CFAP52: variants seen among roughly 807,000 people sequenced by gnomAD.
CFAP52 encodes the protein cilia and flagella associated protein 52.
Under a neutral mutation model 70.5 loss-of-function variants are expected in CFAP52, and 57 were observed. That is an observed-to-expected ratio of 0.81 (90% CI 0.65 to 1.01). The LOEUF is 1.01. CFAP52 is among the 50% of genes least tolerant of loss of function. The probability of loss-of-function intolerance (pLI) is 0.00; values close to 1 mark genes in which losing one functional copy is unlikely to be tolerated. For missense variants in CFAP52, 785 were observed against 788.5 expected (o/e 1.00, Z 0.05); for synonymous variants, 267 against 292.5 (o/e 0.91, Z 0.89).
intron 4 of CFAP52, among the ~76,000 whole-genome samples, chr17:9,596,634 T>C (rs1054352030): frequency 3.9e-5 from 6 of 151,986 alleles, no homozygotes; most frequent in African/African-American, 1.4e-4. Flanking sequence ...CCACAGGTCT[T>C]CCCTTTAAAA....
chr17:9,587,040 G>A (rs1908527800), intron 3 of CFAP52, among the ~76,000 whole-genome samples: 1 of 151,946 alleles, frequency 6.6e-6, no homozygotes, highest in Non-Finnish European at 1.5e-5. Context: ...CCCTCAACAG[G>A]CCCCAGTGTC....
At chr17:9,588,586 AGCATG>A (rs1334059220) in intron 3 of CFAP52, among the ~76,000 whole-genome samples, 1 of 152,096 alleles carries the variant, frequency 6.6e-6, no homozygotes, top group African/African-American at 2.4e-5. Flanking sequence ...CTCGGACTTC[AGCATG>A]GGCTGGACCT....
intron 1 of CFAP52, among the ~76,000 whole-genome samples, chr17:9,580,758 G>GAAA (rs35545462): frequency 1.4e-5 from 2 of 148,066 alleles, no homozygotes; most frequent in Non-Finnish European, 3.0e-5. Flanking sequence ...GGCAAAAAAA[G>GAAA]AAAAAAAAAG....
At chr17:9,607,651 T>G (rs1188630403) in intron 6 of CFAP52, among the ~76,000 whole-genome samples, 1 of 152,256 alleles carries the variant, frequency 6.6e-6, no homozygotes, top group Non-Finnish European at 1.5e-5. Flanking sequence ...TAAGTTCTGG[T>G]GAAAACAGTG....
In CFAP52 at chr17:9,638,621, G is replaced by A; in HGVS notation, c.1485G>A (p.Arg495=). The A allele has an allele frequency of 1.2e-6, 2 of 1,614,142 alleles. No homozygotes were observed. Among genetic ancestry groups the A allele is most frequent in the Non-Finnish European group, 1.7e-6 (2 of 1,180,014 alleles). ...CIIWDLVRLR[R]NQMILANTLF... ...ATCTACTTTCCAGGCGTCTCAGGAG[G>A]AATCAGATGATACTAGCCAACACCT... The change falls in exon 12 of 14, where the codon AGG becomes AGA. Residue 495 remains arginine, a synonymous_variant. Transcript: ENST00000352665.
intron 1 of CFAP52, among the ~76,000 whole-genome samples, chr17:9,583,220 A>G (rs1406026552): frequency 6.6e-6 from 1 of 152,192 alleles, no homozygotes; most frequent in African/African-American, 2.4e-5. Flanking sequence ...CACCCTAAAG[A>G]CATAAACCTT....
At position 9,595,517 on chromosome 17, in the gene CFAP52, C is replaced by T. The variant is rs886306307; in HGVS notation, c.536+1196C>T. Reference sequence around the variant, plus strand: ...CACTCTTCAACTTTTTTCAGATTTGCAGAGTGATTTGACTAAGCCAGGGTT... The same window carrying T: ...CACTCTTCAACTTTTTTCAGATTTGTAGAGTGATTTGACTAAGCCAGGGTT... On this transcript the variant is annotated intron_variant, in intron 4 of 13. Transcript: ENST00000352665. 3.0e-4 allele frequency among the ~76,000 whole-genome samples: 46 copies of T among 152,066 alleles called. 1 individual carries two copies. Among genetic ancestry groups the T allele is most frequent in the African/African-American group, 9.7e-4 (40 of 41,392 alleles).
intron 8 of CFAP52, among the ~76,000 whole-genome samples, chr17:9,613,386 C>T (rs769736611): frequency 6.6e-6 from 1 of 151,862 alleles, no homozygotes; most frequent in Non-Finnish European, 1.5e-5. Flanking sequence ...TGAAGTTGGT[C>T]AGTTTTTGCT....
chr17:9,616,501 C>T (rs1399643483), intron 8 of CFAP52, among the ~76,000 whole-genome samples: 2 of 141,348 alleles, frequency 1.4e-5, no homozygotes, highest in African/African-American at 5.5e-5. Context: ...CCCACCACAA[C>T]TCAAGGAGGC....
In CFAP52 at chr17:9,643,078, C is replaced by A; in HGVS notation, c.1743C>A (p.His581Gln). The change falls in exon 14 of 14, where the codon CAC becomes CAA. Residue 581 changes from histidine (H) to glutamine (Q), a missense_variant. By Grantham distance (24) the His-to-Gln change is conservative (BLOSUM62 0). Transcript: ENST00000352665. ...VWDYNEGEVT[H>Q]VGVGHSGNIT... ...ATTATAATGAGGGTGAAGTGACTCA[C>A]GTTGGGGTGGGACACAGTGGCAACA... is the stretch of plus-strand genomic sequence containing the variant. 6.2e-7 allele frequency: 1 copy of A among 1,612,136 alleles called. No homozygotes were observed. The highest frequency in any genetic ancestry group is 8.5e-7 in the Non-Finnish European group (1 of 1,179,244).
rs1376839440 is a variant in CFAP52, at chr17:9,632,841, G to T, written c.1175-47G>T. The T allele has an allele frequency of 3.1e-6, 5 of 1,593,952 alleles. No homozygotes were observed. The Admixed American group carries it at 6.8e-5, about 22-fold the overall frequency. ...TGAGGCCAGCAGACTGTGGAGAGAG[G>T]GTGCATATACTGATCCTGCCTGCCT... On this transcript the variant is annotated intron_variant, in intron 9 of 13. Coordinates refer to ENST00000352665, the MANE Select transcript of CFAP52 (RefSeq NM_145054.5).
At chr17:9,587,030 C>T (rs1382926861) in intron 3 of CFAP52, among the ~76,000 whole-genome samples, 196 bp downstream of exon 3, 1 of 151,896 alleles carries the variant, frequency 6.6e-6, no homozygotes, top group Non-Finnish European at 1.5e-5. Context: ...CCACCCTCCA[C>T]CCTCAACAGG....
At chr17:9,615,670 A>G (rs1391622090) in intron 8 of CFAP52, among the ~76,000 whole-genome samples, 1 of 151,646 alleles carries the variant, frequency 6.6e-6, no homozygotes, top group Non-Finnish European at 1.5e-5. Flanking sequence ...CCCAGGCTAG[A>G]GCACAGTGAC....
At chr17:9,635,945 G>A (rs1910756104) in intron 11 of CFAP52, among the ~76,000 whole-genome samples, 3 of 152,034 alleles carry the variant, frequency 2.0e-5, no homozygotes, top group Non-Finnish European at 4.4e-5. Flanking sequence ...GGCTGAGGTG[G>A]GCAGATCACC....
intron 6 of CFAP52, among the ~76,000 whole-genome samples, chr17:9,606,071 A>T (rs1013251723): frequency 1.4e-5 from 2 of 141,686 alleles, no homozygotes; most frequent in Admixed American, 1.4e-4. Context: ...AAACTGCTCT[A>T]AAAAAAATAG....
At chr17:9,629,927 G>A (rs909387490) in intron 9 of CFAP52, among the ~76,000 whole-genome samples, 1 of 151,776 alleles carries the variant, frequency 6.6e-6, no homozygotes, top group Non-Finnish European at 1.5e-5. Context: ...TCTCCTCCTT[G>A]TTAGCGTCCC....
intron 8 of CFAP52, 60 bp from the exon 9 acceptor site, chr17:9,628,612 A>T: frequency 1.3e-6 from 2 of 1,583,568 alleles, no homozygotes; most frequent in South Asian, 2.3e-5. Context: ...TTTTGGTGTC[A>T]AATATGCATC....
chr17:9,642,115 A>T (rs1031196140), intron 13 of CFAP52, among the ~76,000 whole-genome samples: 4 of 152,236 alleles, frequency 2.6e-5, no homozygotes, highest in African/African-American at 9.6e-5. Flanking sequence ...CATTGATAAT[A>T]GAAATGGGGC....
chr17:9,589,625 C>T (rs1908651141), intron 3 of CFAP52, among the ~76,000 whole-genome samples: 1 of 151,430 alleles, frequency 6.6e-6, no homozygotes, highest in African/African-American at 2.4e-5. Context: ...CCCATCTACT[C>T]AGGAGGCTGA....
Sources: allele counts gnomAD v4.1 joint callset (sites outside exome capture counted in the v4.1 genomes callset), GRCh38; gene constraint gnomAD v4.1.1; transcripts MANE v1.5; gene names NCBI Gene and HGNC (gene_info 2026-07-23, HGNC 2026-07-21).